The following NINL variants were observed in gnomAD, a reference collection of about 807,000 sequenced individuals.
NINL encodes ninein-like protein.
NINL carries 153 observed loss-of-function variants against 160.3 expected under a neutral mutation model. That is an observed-to-expected ratio of 0.95 (90% CI 0.84 to 1.09). The LOEUF (loss-of-function observed/expected upper bound fraction) is 1.09. NINL is among the 50% of genes least tolerant of loss of function. The pLI is 0.00. For missense variants in NINL, 1,829 were observed against 1,764.0 expected (o/e 1.04, Z -0.66); for synonymous variants, 800 against 734.8 (o/e 1.09, Z -1.43).
chr20:25,482,114 G>A lies in NINL; in HGVS notation c.1678-14C>T. 1.5e-5 allele frequency: 24 copies of A among 1,589,402 alleles called. No individual in the cohort carries two copies. The highest frequency in any genetic ancestry group is 2.0e-5 in the Non-Finnish European group (24 of 1,173,754). On this transcript the variant is annotated splice_polypyrimidine_tract_variant and intron_variant, in intron 13 of 23. Transcript: ENST00000278886. ...GTCCTGCAGGTCCTGTGGGGACAGA[G>A]CCAGCCACCTCCTCTAGCAGCTGCA...
intron 1 of NINL, among the ~76,000 whole-genome samples, chr20:25,548,171 CG>C (rs982594519): frequency 2.0e-5 from 3 of 152,082 alleles, no homozygotes; most frequent in Admixed American, 6.6e-5. Context: ...GCAGCTTGGT[CG>C]GGGGGGTTCT....
chr20:25,576,347 C>A (rs1355726771), intron 1 of NINL, among the ~76,000 whole-genome samples: 2 of 152,168 alleles, frequency 1.3e-5, no homozygotes, highest in African/African-American at 2.4e-5. Context: ...TCATGGGGGG[C>A]ACAGATGTCT....
At chr20:25,557,217 C>T (rs555561246) in intron 1 of NINL, among the ~76,000 whole-genome samples, 1 of 152,238 alleles carries the variant, frequency 6.6e-6, no homozygotes, top group South Asian at 2.1e-4. Flanking sequence ...GCTGGAGAGA[C>T]CATATTAATA....
intron 2 of NINL, among the ~76,000 whole-genome samples, chr20:25,518,601 C>T (rs2146919212): frequency 6.6e-6 from 1 of 152,188 alleles, no homozygotes; most frequent in African/African-American, 2.4e-5. Flanking sequence ...AGAATAGTAA[C>T]AGTTGGATTT....
At chr20:25,547,157 T>C (rs2064743897) in intron 1 of NINL, among the ~76,000 whole-genome samples, 1 of 152,066 alleles carries the variant, frequency 6.6e-6, no homozygotes, top group Non-Finnish European at 1.5e-5. Context: ...AATAAGCCCC[T>C]TTCAACTACA....
At position 25,517,227 on chromosome 20, in the gene NINL, A is replaced by G. The variant is rs1461051008; in HGVS notation, c.277+526T>C. ...AAGTGCTCCCTATGTGACACACTAA[A>G]TAATACCACAAACACAACACCCCTG... On this transcript the variant is annotated intron_variant, in intron 3 of 23. Transcript: ENST00000278886. 2.6e-5 allele frequency among the ~76,000 whole-genome samples: 4 copies of G among 152,212 alleles called. No individual in the cohort carries two copies. The East Asian group carries it at 5.8e-4, about 22-fold the overall frequency.
chr20:25,473,229 G>A (rs73904476), intron 17 of NINL, among the ~76,000 whole-genome samples: 4,123 of 152,162 alleles, frequency 0.027, 179 homozygotes, highest in African/African-American at 0.09. Flanking sequence ...CTGGGCGCTG[G>A]TAACACAGAC....
chr20:25,462,581 T>G, intron 19 of NINL, 40 bp from the exon 20 acceptor site: 2 of 1,546,500 alleles, frequency 1.3e-6, no homozygotes, highest in Non-Finnish European at 8.8e-7. Flanking sequence ...AAAAAAATGT[T>G]TTTAATTTTC....
At chr20:25,472,161 C>G (rs1317613219) in intron 17 of NINL, among the ~76,000 whole-genome samples, 2 of 151,472 alleles carry the variant, frequency 1.3e-5, no homozygotes, top group African/African-American at 4.9e-5. Context: ...GCAGATTACA[C>G]AGAGCTGAAA....
At position 25,453,669 on chromosome 20, in the gene NINL, G is replaced by C. The variant is rs1568821087; in HGVS notation, c.3958-27C>G. On this transcript the variant is annotated intron_variant, in intron 23 of 23. Transcript: ENST00000278886. ...TAGAGAGGGGAGGAAGCCATGCTTT[G>C]CATGAGGCCGGTGGAGAAACGCTAC... 1.9e-6 allele frequency: 3 copies of C among 1,572,982 alleles called. No homozygotes were observed. In the East Asian group the frequency reaches 6.8e-5, roughly 36 times the overall value.
Position 25,489,950 on chromosome 20 carries a change from C to A in NINL, c.1521G>T (p.Val507=), listed in dbSNP as rs2146672641. Residue 507 remains valine (V), a synonymous_variant, in exon 12 of 24, where the codon GTG becomes GTT. Coordinates refer to ENST00000278886, the MANE Select transcript of NINL (RefSeq NM_025176.6). ...NSRLQKEIVE[V]VEKLSDSERL... is the part of the protein sequence containing the mutation. ...TCTCCGAATCCGAAAGCTTTTCCAC[C>A]ACTTCCACAATCTCCTTCTGTAGGC... The A allele has an allele frequency of 6.2e-7, 1 of 1,614,184 alleles. No homozygotes were observed. Among genetic ancestry groups the A allele is most frequent in the Non-Finnish European group, 8.5e-7 (1 of 1,180,032 alleles).
chr20:25,536,946 A>G (rs2064567201), intron 1 of NINL, among the ~76,000 whole-genome samples: 1 of 152,230 alleles, frequency 6.6e-6, no homozygotes, highest in African/African-American at 2.4e-5. Flanking sequence ...GTAGGCTATA[A>G]AACAGTACAA....
chr20:25,524,252 G>A (rs369158472), intron 2 of NINL, among the ~76,000 whole-genome samples: 2 of 152,168 alleles, frequency 1.3e-5, no homozygotes, highest in African/African-American at 4.8e-5. Context: ...AGAGGTGAAC[G>A]CTAGGCATCT....
At chr20:25,518,820 A>T (rs917543374) in intron 2 of NINL, among the ~76,000 whole-genome samples, 1 of 151,354 alleles carries the variant, frequency 6.6e-6, no homozygotes, top group Admixed American at 6.6e-5. Context: ...CGTTATGGCC[A>T]GGCATGGTTG....
At position 25,526,305 on chromosome 20, in the gene NINL, C is replaced by T. The variant is rs963453712; in HGVS notation, c.180+103G>A. On this transcript the variant is annotated intron_variant, in intron 2 of 23. Transcript: ENST00000278886. ...ACTGTTCCATTTGCTAATAACTTTCCTTTGACACTTGAATCCTTATTCAGC... is the reference window on the plus strand; with the variant it reads ...ACTGTTCCATTTGCTAATAACTTTCTTTTGACACTTGAATCCTTATTCAGC... 67 of 1,067,608 alleles carry T rather than the reference C, an allele frequency of 6.3e-5. No homozygotes were observed. In the African/African-American group the frequency reaches 9.9e-4, roughly 16 times the overall value. The allele number at this position is 1,067,608 out of a possible 1,614,324, so 66.1% of individuals were successfully genotyped here.
At chr20:25,467,197 T>C (rs975732437) in intron 19 of NINL, among the ~76,000 whole-genome samples, 192 bp downstream of exon 19, 6 of 152,236 alleles carry the variant, frequency 3.9e-5, no homozygotes, top group Admixed American at 1.3e-4. Flanking sequence ...ACCGGCAGAT[T>C]TGACTGGGGC....
chr20:25,512,953 G>A lies in NINL; in HGVS notation c.331C>T (p.Arg111Cys), dbSNP rs748131161. The A allele has an allele frequency of 5.0e-6, 8 of 1,614,036 alleles. No individual in the cohort carries two copies. Among genetic ancestry groups the A allele is most frequent in the South Asian group, 3.3e-5 (3 of 91,082 alleles). ...TCACATAGCTCAGGCCGGCTCCGAC[G>A]GCCATACCACTTAGAACCATTCACA... ...KYVNGSKWYGRRSRPELCDAA... is the reference protein window; with the variant it reads ...KYVNGSKWYGCRSRPELCDAA... The change falls in exon 4 of 24, where the codon CGT (arginine) becomes TGT (cysteine). Residue 111 changes from arginine (R) to cysteine (C), a missense_variant. Transcript: ENST00000278886.
intron 16 of NINL, 122 bp downstream of exon 16, chr20:25,478,801 C>G: frequency 8.5e-7 from 1 of 1,181,658 alleles, no homozygotes; most frequent in South Asian, 1.6e-5. Flanking sequence ...ACCCATCTGC[C>G]CAGAGGAAAA....
In NINL at chr20:25,475,031, C is replaced by T. The variant is rs892187924; in HGVS notation, c.3248+1012G>A. Among the ~76,000 whole-genome samples, 13 of 152,188 alleles carry T rather than the reference C, an allele frequency of 8.5e-5. No homozygotes were observed. In the East Asian group the frequency reaches 1.4e-3, roughly 16 times the overall value. On this transcript the variant is annotated intron_variant, in intron 17 of 23. Transcript: ENST00000278886. ...CTCCTGACCTCAGGTGATCCACCCA[C>T]CTTGGCCTCCCAAAGTGCTGAGATT...
Sources: allele counts gnomAD v4.1 joint callset (sites outside exome capture counted in the v4.1 genomes callset), GRCh38; gene constraint gnomAD v4.1.1; transcripts MANE v1.5; gene names NCBI Gene and HGNC (gene_info 2026-07-23, HGNC 2026-07-21).